Variants in WWC1 observed in about 807,000 individuals in gnomAD.
WWC1 encodes the protein protein KIBRA.
Under a neutral mutation model 138.4 loss-of-function variants are expected in WWC1, and 55 were observed. That is an observed-to-expected ratio of 0.40 (90% CI 0.32 to 0.50). WWC1 has a LOEUF of 0.50. WWC1 is among the 20% of genes least tolerant of loss of function. The pLI is 0.72. For synonymous variants in WWC1, 524 were observed against 564.9 expected (o/e 0.93, Z 1.03); for missense variants, 1,226 against 1,420.4 (o/e 0.86, Z 2.20).
intron 2 of WWC1, among the ~76,000 whole-genome samples, chr5:168,378,548 T>C (rs1777397677): frequency 6.6e-6 from 1 of 152,274 alleles, no homozygotes; most frequent in African/African-American, 2.4e-5. Context: ...TCTTTGTGTA[T>C]GTTACTTTCT....
At chr5:168,414,207 T>A in intron 8 of WWC1, 141 bp from the exon 9 acceptor site, 1 of 1,291,062 alleles carries the variant, frequency 7.7e-7, no homozygotes, top group African/African-American at 1.5e-5. Flanking sequence ...AGAAAAAAAA[T>A]AGGTTCCTTG....
intron 1 of WWC1, among the ~76,000 whole-genome samples, chr5:168,339,841 C>CT (rs1203634297): frequency 2.3e-3 from 331 of 144,712 alleles, no homozygotes; most frequent in African/African-American, 8.5e-3. Flanking sequence ...TTTTTCTTTT[C>CT]TTTCTTTCTT....
rs1581851538 is a variant in WWC1, at chr5:168,299,876, G to A, written c.119+7605G>A. 2.6e-5 allele frequency among the ~76,000 whole-genome samples: 4 copies of A among 152,324 alleles called. No homozygotes were observed. In the South Asian group the frequency reaches 8.3e-4, roughly 32 times the overall value. Reference sequence around the variant, plus strand: ...GACCTAATGTCAGGTGGCTGTCCATGACGTGTATCAGGAGCTCTCTCCAGC... The same window carrying A: ...GACCTAATGTCAGGTGGCTGTCCATAACGTGTATCAGGAGCTCTCTCCAGC... On this transcript the variant is annotated intron_variant, in intron 1 of 22. Transcript: ENST00000265293.
At chr5:168,337,445 C>T (rs575349683) in intron 1 of WWC1, among the ~76,000 whole-genome samples, 4 of 152,160 alleles carry the variant, frequency 2.6e-5, no homozygotes, top group Non-Finnish European at 1.5e-5. Flanking sequence ...TGGGAGGGTG[C>T]CTCTAAATGG....
At chr5:168,311,464 T>C (rs757699790) in intron 1 of WWC1, among the ~76,000 whole-genome samples, 2 of 152,232 alleles carry the variant, frequency 1.3e-5, no homozygotes, top group Non-Finnish European at 2.9e-5. Flanking sequence ...TGGTTTCCTC[T>C]GCCTCCTAAA....
chr5:168,394,551 C>G (rs929027075), intron 3 of WWC1, among the ~76,000 whole-genome samples: 3 of 152,126 alleles, frequency 2.0e-5, no homozygotes, highest in Non-Finnish European at 4.4e-5. Flanking sequence ...CATGGTGAAA[C>G]TCCATCTCTA....
intron 15 of WWC1, 100 bp downstream of exon 15, chr5:168,431,544 C>A: frequency 8.9e-6 from 12 of 1,345,242 alleles, no homozygotes; most frequent in Non-Finnish European, 1.2e-5. Context: ...CTACCCTGAG[C>A]TTCAGGAAGA....
At chr5:168,333,881 T>G (rs934655474) in intron 1 of WWC1, among the ~76,000 whole-genome samples, 8 of 151,932 alleles carry the variant, frequency 5.3e-5, no homozygotes, top group African/African-American at 1.9e-4. Flanking sequence ...GATCATCCCC[T>G]TGCATAAAAC....
intron 3 of WWC1, 134 bp downstream of exon 3, chr5:168,385,548 A>G (rs1777981071): frequency 1.1e-6 from 1 of 881,080 alleles, no homozygotes; most frequent in Non-Finnish European, 1.7e-6. Flanking sequence ...CATCTTGTTT[A>G]CTGCTCTTCC....
At chr5:168,390,768 G>A (rs1211246809) in intron 3 of WWC1, among the ~76,000 whole-genome samples, 2 of 152,242 alleles carry the variant, frequency 1.3e-5, no homozygotes, top group Non-Finnish European at 2.9e-5. Flanking sequence ...GCCCTGCCTT[G>A]GGGGTGGAGA....
rs555554305 is a variant in WWC1 at position 168,358,003 on chromosome 5, G to C, written c.120-13421G>C. ...GCTAGAGCAGCCTGCTCACTGTGAT[G>C]TGTTCACTTGGGAATCTGAGTGTGC... On this transcript the variant is annotated intron_variant, in intron 1 of 22. Coordinates refer to ENST00000265293, the MANE Select transcript of WWC1 (RefSeq NM_015238.3). Among the ~76,000 whole-genome samples the C allele has an allele frequency of 5.9e-5, 9 of 152,234 alleles. 1 individual carries two copies. Among genetic ancestry groups the C allele is most frequent in the Admixed American group, 2.6e-4 (4 of 15,278 alleles).
At position 168,326,555 on chromosome 5, in the gene WWC1, T is replaced by G. The variant is rs146616736; in HGVS notation, c.119+34284T>G. ...GTTATTTGTTGTTGTTGTTGTTGTT[T>G]TTAGATGGAGTCTAGCTCTGTAGCC... On this transcript the variant is annotated intron_variant, in intron 1 of 22. Coordinates refer to ENST00000265293, the MANE Select transcript of WWC1 (RefSeq NM_015238.3). 3.9e-3 allele frequency among the ~76,000 whole-genome samples: 586 copies of G among 148,832 alleles called. 2 individuals are homozygous for G. Among genetic ancestry groups the G allele is most frequent in the African/African-American group, 0.014 (558 of 40,178 alleles).
chr5:168,314,528 T>C (rs1440784124), intron 1 of WWC1, among the ~76,000 whole-genome samples: 1 of 151,904 alleles, frequency 6.6e-6, no homozygotes, highest in African/African-American at 2.4e-5. Context: ...GATTGCGCCA[T>C]TGGACTCAAG....
chr5:168,458,187 G>C (rs569874866), intron 19 of WWC1, among the ~76,000 whole-genome samples: 1 of 152,182 alleles, frequency 6.6e-6, no homozygotes, highest in African/African-American at 2.4e-5. Flanking sequence ...TATATTTTCT[G>C]TGTAATCTAA....
chr5:168,460,556 C>A, intron 19 of WWC1, 94 bp from the exon 20 acceptor site: 1 of 1,169,038 alleles, frequency 8.6e-7, no homozygotes, highest in Non-Finnish European at 1.2e-6. Context: ...AAGGACTGTG[C>A]CGAGTGGAGG....
chr5:168,397,164 A>G (rs1778965705), intron 3 of WWC1, among the ~76,000 whole-genome samples: 1 of 146,058 alleles, frequency 6.8e-6, no homozygotes, highest in Admixed American at 6.9e-5. Context: ...TTTTTTTGAG[A>G]TGGAGTCTCG....
chr5:168,381,923 C>T (rs1364629802), intron 2 of WWC1, among the ~76,000 whole-genome samples: 1 of 151,170 alleles, frequency 6.6e-6, no homozygotes, highest in East Asian at 1.9e-4. Context: ...AATTACCTGC[C>T]TTTGGAAGGT....
chr5:168,356,954 G>A (rs972914527), intron 1 of WWC1, among the ~76,000 whole-genome samples: 1 of 152,162 alleles, frequency 6.6e-6, no homozygotes, highest in African/African-American at 2.4e-5. Flanking sequence ...GTTGTGGGAA[G>A]TCTCTGAGTG....
In WWC1 at chr5:168,408,487, C is replaced by T; in HGVS notation, c.721-20C>T. ...CCTCCTGGGAAGGCGCATCACTAAC[C>T]CTGCTCTCCCCTCCTTCAGAGCCTT... is the stretch of plus-strand genomic sequence containing the variant. On this transcript the variant is annotated intron_variant, in intron 6 of 22. Transcript: ENST00000265293. The T allele has an allele frequency of 6.2e-7, 1 of 1,613,162 alleles. No individual in the cohort carries two copies. The highest frequency in any genetic ancestry group is 1.1e-5 in the South Asian group (1 of 90,910).
Sources: gnomAD v4.1 joint callset for allele counts (sites outside exome capture counted in the v4.1 genomes callset) on GRCh38, gnomAD v4.1.1 for gene constraint, MANE v1.5 for transcripts, NCBI Gene and HGNC (gene_info 2026-07-23, HGNC 2026-07-21) for gene names.